Variants in AGBL4 observed in about 807,000 individuals in gnomAD.
The protein encoded by AGBL4 is cytosolic carboxypeptidase 6.
AGBL4 carries 58 observed loss-of-function variants against 66.4 expected under a neutral mutation model. The ratio of observed to expected loss-of-function variants is 0.87; its 90% CI spans 0.71 to 1.09. The LOEUF (loss-of-function observed/expected upper bound fraction) is 1.09, where lower values mean the gene tolerates loss of function less well. Ranked by LOEUF, AGBL4 falls within the 50% of genes least tolerant of loss-of-function variation. The probability of loss-of-function intolerance (pLI) is 0.00; values close to 1 mark genes in which losing one functional copy is unlikely to be tolerated. For synonymous variants in AGBL4, 234 were observed against 222.9 expected (o/e 1.05, Z -0.44); for missense variants, 579 against 631.0 (o/e 0.92, Z 0.88).
In AGBL4 at chr1:49,096,563, A is replaced by C. The variant is rs369275405; in HGVS notation, c.378-50763T>G. ...AGGGACATGGATGAAGCTGGAAACC[A>C]TCATTCTCAGCAAACTATCGCAAGG... On this transcript the variant is annotated intron_variant, in intron 4 of 13. Coordinates refer to ENST00000371839, the MANE Select transcript of AGBL4 (RefSeq NM_032785.4). 2.8e-4 allele frequency among the ~76,000 whole-genome samples: 43 copies of C among 151,854 alleles called. No homozygotes were observed. The East Asian group carries it at 2.9e-3, about 10-fold the overall frequency.
At chr1:49,960,879 A>T (rs1440227883) in intron 1 of AGBL4, among the ~76,000 whole-genome samples, 1 of 152,096 alleles carries the variant, frequency 6.6e-6, no homozygotes, top group Non-Finnish European at 1.5e-5. Context: ...AAAAGACCAC[A>T]GTATGAGTAG....
intron 6 of AGBL4, among the ~76,000 whole-genome samples, chr1:48,784,820 A>C (rs1479690454): frequency 3.3e-5 from 5 of 152,250 alleles, no homozygotes; most frequent in African/African-American, 1.2e-4. Flanking sequence ...GTAGTATAAT[A>C]TACTCTGCAT....
chr1:48,649,300 A>G (rs1181174290), intron 8 of AGBL4, among the ~76,000 whole-genome samples: 2 of 152,226 alleles, frequency 1.3e-5, no homozygotes, highest in Non-Finnish European at 2.9e-5. Context: ...CCTTTCTGTG[A>G]AGTGGCATTA....
intron 4 of AGBL4, among the ~76,000 whole-genome samples, chr1:49,219,129 G>A (rs1328144139): frequency 6.6e-6 from 1 of 152,158 alleles, no homozygotes; most frequent in African/African-American, 2.4e-5. Context: ...ACTTAGATCA[G>A]AGTTTCCAGA....
At chr1:49,804,392 T>C (rs1221369364) in intron 2 of AGBL4, among the ~76,000 whole-genome samples, 1 of 152,164 alleles carries the variant, frequency 6.6e-6, no homozygotes, top group African/African-American at 2.4e-5. Flanking sequence ...ACATCTCCAG[T>C]GTAAGCCATT....
intron 6 of AGBL4, among the ~76,000 whole-genome samples, chr1:48,735,447 G>A (rs1323299222): frequency 6.6e-6 from 1 of 151,116 alleles, no homozygotes; most frequent in East Asian, 1.9e-4. Context: ...AGAGGAGGAA[G>A]GAGAGAAAGT....
chr1:49,913,964 A>C (rs1206966050), intron 1 of AGBL4, among the ~76,000 whole-genome samples: 1 of 152,112 alleles, frequency 6.6e-6, no homozygotes, highest in Non-Finnish European at 1.5e-5. Flanking sequence ...AGAGCTCTGG[A>C]CCTGTAATGG....
At chr1:48,655,444 G>T (rs1163850154) in intron 7 of AGBL4, among the ~76,000 whole-genome samples, 1 of 152,200 alleles carries the variant, frequency 6.6e-6, no homozygotes. Flanking sequence ...AGAAAAAAGA[G>T]GGACCAGGGG....
chr1:49,650,532 TAGC>T (rs1007443031), intron 3 of AGBL4, among the ~76,000 whole-genome samples: 7 of 152,150 alleles, frequency 4.6e-5, no homozygotes, highest in African/African-American at 1.7e-4. Context: ...TAAACTGACA[TAGC>T]AGGTGCCACA....
At position 49,437,609 on chromosome 1, in the gene AGBL4, T is replaced by C. The variant is rs12067070; in HGVS notation, c.283-191745A>G. ...ATGTACTTGAGTCACCACCCAGGAA[T>C]ATAATTATAAGCTATGATAAGCACT... is the stretch of plus-strand genomic sequence containing the variant. On this transcript the variant is annotated intron_variant, in intron 3 of 13. Transcript: ENST00000371839. Among the ~76,000 whole-genome samples, 657 of 152,314 alleles carry C rather than the reference T, an allele frequency of 4.3e-3. 7 individuals are homozygous for C. The highest frequency in any genetic ancestry group is 0.015 in the African/African-American group (615 of 41,564).
At chr1:49,649,909 T>A (rs912595252) in intron 3 of AGBL4, among the ~76,000 whole-genome samples, 1 of 151,734 alleles carries the variant, frequency 6.6e-6, no homozygotes, top group East Asian at 1.9e-4. Context: ...GTAAAAAATA[T>A]CAAGAGAATA....
At chr1:49,495,864 T>G (rs1647510112) in intron 3 of AGBL4, among the ~76,000 whole-genome samples, 1 of 152,020 alleles carries the variant, frequency 6.6e-6, no homozygotes, top group Non-Finnish European at 1.5e-5. Context: ...TTCCTGAACT[T>G]TCCCATTAGA....
chr1:49,045,467 A>T, intron 5 of AGBL4, 117 bp downstream of exon 5: 2 of 735,710 alleles, frequency 2.7e-6, no homozygotes, highest in Non-Finnish European at 4.3e-6. Context: ...GTAAATTATT[A>T]AAAGTTCTGG....
At chr1:49,032,269 T>C (rs561592834) in intron 5 of AGBL4, among the ~76,000 whole-genome samples, 2 of 152,234 alleles carry the variant, frequency 1.3e-5, no homozygotes, top group South Asian at 2.1e-4. Flanking sequence ...GGATGTTCAA[T>C]GGGTTATTTT....
chr1:49,168,099 G>T (rs1646666182), intron 4 of AGBL4, among the ~76,000 whole-genome samples: 1 of 152,114 alleles, frequency 6.6e-6, no homozygotes, highest in Admixed American at 6.6e-5. Flanking sequence ...GACTTGAGCA[G>T]CCATAGATTT....
At chr1:49,153,889 C>T in intron 4 of AGBL4, among the ~76,000 whole-genome samples, 1 of 152,002 alleles carries the variant, frequency 6.6e-6, no homozygotes, top group East Asian at 1.9e-4. Flanking sequence ...GGTCAAGTTA[C>T]TTAACCCCTC....
intron 6 of AGBL4, chr1:48,776,531 G>T (rs973453968): frequency 6.5e-6 from 4 of 618,196 alleles, no homozygotes; most frequent in African/African-American, 4.0e-5. Context: ...GGTCCCCTCC[G>T]CCCGGGCCCC....
intron 2 of AGBL4, among the ~76,000 whole-genome samples, chr1:49,738,256 T>G (rs2124736822): frequency 6.6e-6 from 1 of 152,360 alleles, no homozygotes; most frequent in East Asian, 1.9e-4. Flanking sequence ...ACAAGGAGAT[T>G]GTATCCCGTG....
At position 48,972,400 on chromosome 1, in the gene AGBL4, A is replaced by G. The variant is rs183946194; in HGVS notation, c.594+73184T>C. Among the ~76,000 whole-genome samples, 14 of 152,294 alleles carry G rather than the reference A, an allele frequency of 9.2e-5. No individual in the cohort carries two copies. The East Asian group carries it at 2.7e-3, about 29-fold the overall frequency. ...AGTTTAGGTCTCAGTCCATGGACAGAATAAGGATTCAGTTGTGTCTTATTT... is the reference window on the plus strand; with the variant it reads ...AGTTTAGGTCTCAGTCCATGGACAGGATAAGGATTCAGTTGTGTCTTATTT... On this transcript the variant is annotated intron_variant, in intron 5 of 13. Transcript: ENST00000371839.
Sources: gnomAD v4.1 joint callset for allele counts (sites outside exome capture counted in the v4.1 genomes callset) on GRCh38, gnomAD v4.1.1 for gene constraint, MANE v1.5 for transcripts, NCBI Gene and HGNC (gene_info 2026-07-23, HGNC 2026-07-21) for gene names.